Variants in SPIN1 observed in about 807,000 individuals in gnomAD.
SPIN1 encodes the protein spindlin-1.
A neutral mutation model predicts 26.0 loss-of-function variants in SPIN1; 3 were observed. That is an observed-to-expected ratio of 0.12 (90% CI 0.05 to 0.30). The LOEUF is 0.30. SPIN1 is among the 10% of genes least tolerant of loss of function. The pLI, the probability that SPIN1 is intolerant of heterozygous loss-of-function variation, is 1.00. For missense variants in SPIN1, 126 were observed against 333.4 expected (o/e 0.38, Z 4.84); for synonymous variants, 101 against 116.5 (o/e 0.87, Z 0.86).
intron 1 of SPIN1, among the ~76,000 whole-genome samples, chr9:88,411,949 A>G (rs529889860): frequency 6.6e-6 from 1 of 152,016 alleles, no homozygotes; most frequent in Admixed American, 6.6e-5. Flanking sequence ...AGACGGGCAG[A>G]TCACGAGGTC....
chr9:88,392,160 C>T (rs1012952860), intron 1 of SPIN1, among the ~76,000 whole-genome samples: 3 of 152,130 alleles, frequency 2.0e-5, no homozygotes, highest in Admixed American at 1.3e-4. Context: ...CTCCTTTCTA[C>T]TTTTGAACTT....
intron 2 of SPIN1, among the ~76,000 whole-genome samples, chr9:88,444,236 A>ATTTTTTTTTTT (rs745590731): frequency 9.8e-6 from 1 of 102,430 alleles, no homozygotes; most frequent in Admixed American, 1.0e-4. Flanking sequence ...TCTTGTTCCC[A>ATTTTTTTTTTT]TTTTTTTTTT....
chr9:88,459,602 TG>T (rs1828537672), intron 3 of SPIN1, among the ~76,000 whole-genome samples: 1 of 152,184 alleles, frequency 6.6e-6, no homozygotes, highest in African/African-American at 2.4e-5. Context: ...TCTTTTCTCC[TG>T]TTTTTGAGAG....
In SPIN1 at chr9:88,442,892, C is replaced by T. The variant is rs190086356; in HGVS notation, c.53-6049C>T. Among the ~76,000 whole-genome samples the T allele has an allele frequency of 6.9e-4, 105 of 151,832 alleles. 1 individual carries two copies. The Middle Eastern group carries it at 0.014, about 20-fold the overall frequency. On this transcript the variant is annotated intron_variant, in intron 2 of 5. Transcript: ENST00000375859. ...ATCCCAGCACTTTGGGAGGCTGAGG[C>T]GGGCAAATCACGAGGTCAGGAGTTC...
intron 2 of SPIN1, among the ~76,000 whole-genome samples, chr9:88,440,889 C>T (rs1828108487): frequency 6.6e-6 from 1 of 151,572 alleles, no homozygotes. Context: ...TTTCTTTCTT[C>T]CCTTTTCCCT....
chr9:88,463,688 A>G (rs548871457), intron 4 of SPIN1, among the ~76,000 whole-genome samples: 1 of 152,286 alleles, frequency 6.6e-6, no homozygotes, highest in Non-Finnish European at 1.5e-5. Flanking sequence ...TTAGATATCA[A>G]ATGCTAAATC....
chr9:88,416,543 T>C (rs1318015622), intron 1 of SPIN1: 1 of 152,236 alleles, frequency 6.6e-6, no homozygotes, highest in Non-Finnish European at 1.5e-5. Flanking sequence ...TAAACCCTTG[T>C]GATGCTGCTG....
At chr9:88,388,923 C>A (rs1460476045) in intron 1 of SPIN1, among the ~76,000 whole-genome samples, 16 of 150,492 alleles carry the variant, frequency 1.1e-4, no homozygotes, top group Admixed American at 1.1e-3. Flanking sequence ...CGGCGCTGCG[C>A]AGTCGGGCGC....
At chr9:88,472,784 C>T (rs1480755014) in intron 5 of SPIN1, among the ~76,000 whole-genome samples, 3 of 152,238 alleles carry the variant, frequency 2.0e-5, no homozygotes, top group East Asian at 3.8e-4. Flanking sequence ...CCACTGCGTC[C>T]GGCTCCACAT....
intron 1 of SPIN1, among the ~76,000 whole-genome samples, chr9:88,414,947 A>T (rs557926741): frequency 2.6e-5 from 4 of 152,170 alleles, no homozygotes; most frequent in Non-Finnish European, 4.4e-5. Flanking sequence ...TGTGTCACCC[A>T]TGGTGGAGTG....
At chr9:88,463,079 A>G (rs1372200901) in intron 4 of SPIN1, among the ~76,000 whole-genome samples, 1 of 152,214 alleles carries the variant, frequency 6.6e-6, no homozygotes, top group Non-Finnish European at 1.5e-5. Flanking sequence ...TGTTAATCTC[A>G]TCTCATCAGA....
intron 3 of SPIN1, among the ~76,000 whole-genome samples, chr9:88,451,886 A>G (rs1008225172): frequency 2.0e-5 from 3 of 152,152 alleles, no homozygotes; most frequent in Admixed American, 2.0e-4. Context: ...GAGGGAAAAT[A>G]TAGTTGGGGG....
intron 1 of SPIN1, among the ~76,000 whole-genome samples, chr9:88,390,188 C>T (rs148059925): frequency 6.6e-5 from 10 of 152,258 alleles, no homozygotes; most frequent in African/African-American, 2.4e-4. Flanking sequence ...TCTTTCTATG[C>T]CTGAAATCCA....
At chr9:88,420,826 C>T (rs562280402) in intron 1 of SPIN1, among the ~76,000 whole-genome samples, 7 of 152,284 alleles carry the variant, frequency 4.6e-5, no homozygotes, top group Non-Finnish European at 1.0e-4. Context: ...TGACTCAGAT[C>T]CCATTATCAC....
At chr9:88,461,151 C>T (rs1450299369) in intron 3 of SPIN1, among the ~76,000 whole-genome samples, 2 of 152,216 alleles carry the variant, frequency 1.3e-5, no homozygotes, top group African/African-American at 4.8e-5. Flanking sequence ...ACCTGCCGCC[C>T]TCATTTCTGC....
At chr9:88,398,680 A>G (rs935611597) in intron 1 of SPIN1, among the ~76,000 whole-genome samples, 2 of 151,874 alleles carry the variant, frequency 1.3e-5, no homozygotes, top group African/African-American at 2.4e-5. Flanking sequence ...GGATCAAGCA[A>G]TTCTCCTGCC....
chr9:88,476,605 C>T lies in SPIN1; in HGVS notation c.*1328C>T, dbSNP rs771019298. 6.6e-6 allele frequency: 1 copy of T among 152,182 alleles called. No individual in the cohort carries two copies. The highest frequency in any genetic ancestry group is 1.5e-5 in the Non-Finnish European group (1 of 68,068). The allele number at this position is 152,182 out of a possible 1,614,324, so 9.4% of individuals were successfully genotyped here. The stretch of plus-strand genomic sequence containing the variant: ...CATAGAAGAGCCAGCCGTTTGTGTT[C>T]GCTTGGTAGGTGTAAGTAATAGCAG... On this transcript the variant is annotated 3_prime_UTR_variant, in exon 6 of 6. Coordinates refer to ENST00000375859, the MANE Select transcript of SPIN1 (RefSeq NM_006717.3).
intron 2 of SPIN1, among the ~76,000 whole-genome samples, chr9:88,437,043 GCGTGAGCCAC>G (rs1348085259): frequency 6.6e-6 from 1 of 151,968 alleles, no homozygotes; most frequent in Non-Finnish European, 1.5e-5. Context: ...GGGATTACAG[GCGTGAGCCAC>G]CGCGCCCGGC....
chr9:88,392,732 A>C (rs923695977), intron 1 of SPIN1, among the ~76,000 whole-genome samples: 1 of 151,974 alleles, frequency 6.6e-6, no homozygotes, highest in Non-Finnish European at 1.5e-5. Context: ...GAGAACACCT[A>C]CCTCATCAGG....
Sources: gnomAD v4.1 joint callset for allele counts (sites outside exome capture counted in the v4.1 genomes callset) on GRCh38, gnomAD v4.1.1 for gene constraint, MANE v1.5 for transcripts, NCBI Gene and HGNC (gene_info 2026-07-23, HGNC 2026-07-21) for gene names.